Variants in RXRA observed in about 807,000 individuals in gnomAD.
RXRA encodes the protein retinoid X receptor alpha.
Under a neutral mutation model 44.5 loss-of-function variants are expected in RXRA, and 5 were observed. The ratio of observed to expected loss-of-function variants is 0.11; its 90% CI spans 0.06 to 0.24. The LOEUF is 0.24. Among genes scored for constraint, RXRA ranks in the 10% least tolerant of loss-of-function variants. RXRA has a pLI of 1.00. For missense variants in RXRA, 412 were observed against 646.5 expected, an observed-to-expected ratio of 0.64 and a Z score of 3.93; for synonymous variants, 291 against 271.4, an observed-to-expected ratio of 1.07 and a Z score of -0.71.
At chr9:134,389,230 G>T (rs1830765279) in intron 1 of RXRA, among the ~76,000 whole-genome samples, 1 of 152,252 alleles carries the variant, frequency 6.6e-6, no homozygotes, top group Non-Finnish European at 1.5e-5. Context: ...GTCAGGAGGG[G>T]AGAGAATGGT....
At chr9:134,360,894 G>A (rs986065278) in intron 1 of RXRA, among the ~76,000 whole-genome samples, 1 of 152,246 alleles carries the variant, frequency 6.6e-6, no homozygotes, top group African/African-American at 2.4e-5. Context: ...CCCTGCAGGG[G>A]CTCTGAGCCC....
At chr9:134,368,972 G>GGGT (rs1830452468) in intron 1 of RXRA, among the ~76,000 whole-genome samples, 1 of 132,840 alleles carries the variant, frequency 7.5e-6, no homozygotes, top group Non-Finnish European at 1.6e-5. Flanking sequence ...TGTGTGTGTG[G>GGGT]GGTTATGTGT....
chr9:134,415,680 G>A (rs993484320), intron 4 of RXRA, among the ~76,000 whole-genome samples: 25 of 152,186 alleles, frequency 1.6e-4, no homozygotes, highest in Non-Finnish European at 3.5e-4. Context: ...AGGAGGAGAA[G>A]GGGCCTGGGT....
At chr9:134,372,963 C>A (rs1235480806) in intron 1 of RXRA, among the ~76,000 whole-genome samples, 2 of 152,226 alleles carry the variant, frequency 1.3e-5, no homozygotes, top group South Asian at 2.1e-4. Flanking sequence ...GTAGGCCAGA[C>A]CCTCCTGCCT....
intron 1 of RXRA, among the ~76,000 whole-genome samples, chr9:134,384,629 G>A (rs1475532162): frequency 1.3e-5 from 2 of 152,186 alleles, no homozygotes; most frequent in African/African-American, 4.8e-5. Context: ...GGCGTGCTGG[G>A]GGGCAGGGGC....
chr9:134,363,418 C>T (rs1588265401), intron 1 of RXRA, among the ~76,000 whole-genome samples: 1 of 152,350 alleles, frequency 6.6e-6, no homozygotes, highest in East Asian at 1.9e-4. Flanking sequence ...TAATTTCATA[C>T]CTCTCTGGTT....
At chr9:134,371,276 C>T (rs1311743106) in intron 1 of RXRA, among the ~76,000 whole-genome samples, 1 of 152,182 alleles carries the variant, frequency 6.6e-6, no homozygotes, top group African/African-American at 2.4e-5. Flanking sequence ...TTGACCCCCC[C>T]AGGCCTCTGT....
chr9:134,426,316 C>T lies in RXRA; in HGVS notation c.911-2792C>T, dbSNP rs1831433735. On this transcript the variant is annotated intron_variant, in intron 6 of 9. Transcript: ENST00000481739. This position sits in a 1 kb window ranked among gnomAD's most constrained non-coding sequence, Gnocchi z 4.6. The stretch of plus-strand genomic sequence containing the variant: ...CCCTCCTTCCTGCAGCGATGGAGCA[C>T]TTAGGAAGGTGAAGACACCCCAAAG... 1.0e-6 allele frequency: 1 copy of T among 985,304 alleles called. No individual in the cohort carries two copies. Among genetic ancestry groups the T allele is most frequent in the African/African-American group, 1.7e-5 (1 of 57,234 alleles). The allele number at this position is 985,304 out of a possible 1,614,324, so 61.0% of individuals were successfully genotyped here. A position where few individuals can be genotyped will look rare whatever the true frequency, so the allele number is the denominator to read the frequency against.
rs1830107521 is a variant in RXRA, at chr9:134,343,160, C to T, written c.28+16501C>T. 6.6e-6 allele frequency among the ~76,000 whole-genome samples: 1 copy of T among 152,184 alleles called. No individual in the cohort carries two copies. Among genetic ancestry groups the T allele is most frequent in the African/African-American group, 2.4e-5 (1 of 41,442 alleles). On this transcript the variant is annotated intron_variant, in intron 1 of 9. Transcript: ENST00000481739. The surrounding 1 kb of genome is among the most constrained non-coding windows in gnomAD (Gnocchi z 4.1). ...GCGGCCCACAGTTCAGGGCCCCACACAGACCTTTTACATGCTGTGTGACCT... is the reference window on the plus strand; with the variant it reads ...GCGGCCCACAGTTCAGGGCCCCACATAGACCTTTTACATGCTGTGTGACCT...
intron 1 of RXRA, among the ~76,000 whole-genome samples, chr9:134,336,716 G>T (rs1225157300): frequency 2.6e-5 from 4 of 152,208 alleles, no homozygotes; most frequent in Non-Finnish European, 4.4e-5. Context: ...AGTGCCAGGT[G>T]CCATATAAGC....
At chr9:134,434,312 C>A in intron 9 of RXRA, 105 bp downstream of exon 9, 2 of 787,016 alleles carry the variant, frequency 2.5e-6, no homozygotes, top group East Asian at 5.2e-5. Flanking sequence ...TGGCACCCTC[C>A]CCAGGCCCAG....
chr9:134,392,602 TC>T (rs796696690), intron 1 of RXRA, among the ~76,000 whole-genome samples: 20 of 152,264 alleles, frequency 1.3e-4, no homozygotes, highest in African/African-American at 4.6e-4. Flanking sequence ...CCTCCTGACT[TC>T]TGGGTCCCTG....
Position 134,436,934 on chromosome 9 carries a change from C to G in RXRA, c.*320C>G. On this transcript the variant is annotated 3_prime_UTR_variant, in exon 10 of 10. Coordinates refer to ENST00000481739, the MANE Select transcript of RXRA (RefSeq NM_002957.6). ...CACGGGGCTTGGGCGACTACAGGGT[C>G]TTCGGGCCCCAGCCCTGGAGCTGCA... The G allele has an allele frequency of 3.2e-6, 1 of 315,236 alleles. No homozygotes were observed. Among genetic ancestry groups the G allele is most frequent in the Non-Finnish European group, 5.9e-6 (1 of 169,216 alleles). The allele number at this position is 315,236 out of a possible 1,614,324, so 19.5% of individuals were successfully genotyped here. A position where few individuals can be genotyped will look rare whatever the true frequency, so the allele number is the denominator to read the frequency against.
At chr9:134,414,891 C>G (rs987568554) in intron 4 of RXRA, among the ~76,000 whole-genome samples, 1 of 152,048 alleles carries the variant, frequency 6.6e-6, no homozygotes, top group Non-Finnish European at 1.5e-5. Context: ...TATGGAGGGT[C>G]GTGTCAGTAG....
At position 134,436,599 on chromosome 9, in the gene RXRA, G is replaced by C; in HGVS notation, c.1374G>C (p.Pro458=). 1.2e-6 allele frequency: 2 copies of C among 1,613,922 alleles called. No individual in the cohort carries two copies. The highest frequency in any genetic ancestry group is 1.7e-6 in the Non-Finnish European group (2 of 1,179,994). ...TCCTTATGGAGATGCTGGAGGCGCC[G>C]CACCAAATGACTTAGGCCTGCGGGC... ...DTFLMEMLEA[P]HQMT is the part of the protein sequence containing the mutation. The change falls in exon 10 of 10, where the codon CCG becomes CCC. Residue 458 remains proline, a synonymous_variant. Transcript: ENST00000481739.
intron 1 of RXRA, chr9:134,374,153 G>T (rs1429549433): frequency 6.6e-6 from 1 of 152,270 alleles, no homozygotes; most frequent in Non-Finnish European, 1.5e-5. Context: ...TCCCCTTTCT[G>T]GGGACAAGGA....
At chr9:134,367,187 G>T (rs538488352) in intron 1 of RXRA, among the ~76,000 whole-genome samples, 1 of 152,300 alleles carries the variant, frequency 6.6e-6, no homozygotes, top group Admixed American at 6.5e-5. Flanking sequence ...GCCCGCTGGA[G>T]CTGCTGCAGT....
At chr9:134,327,984 G>A (rs1834943803) in intron 1 of RXRA, among the ~76,000 whole-genome samples, 1 of 152,168 alleles carries the variant, frequency 6.6e-6, no homozygotes, top group African/African-American at 2.4e-5. Context: ...GAGAAAACTG[G>A]CTGGGAGAGG....
intron 1 of RXRA, among the ~76,000 whole-genome samples, chr9:134,332,670 G>A (rs782063599): frequency 2.0e-5 from 3 of 152,286 alleles, no homozygotes; most frequent in East Asian, 1.9e-4. Flanking sequence ...CCTGTGTGCC[G>A]GGCGTAGGTG....
Sources: allele counts gnomAD v4.1 joint callset (sites outside exome capture counted in the v4.1 genomes callset), GRCh38; gene constraint gnomAD v4.1.1; non-coding constraint Gnocchi (gnomAD v3.1); transcripts MANE v1.5; gene names NCBI Gene and HGNC (gene_info 2026-07-23, HGNC 2026-07-21).